PREX1: variants seen among roughly 807,000 people sequenced by gnomAD.
PREX1 encodes phosphatidylinositol 3,4,5-trisphosphate-dependent Rac exchanger 1 protein.
A neutral mutation model predicts 198.3 loss-of-function variants in PREX1; 41 were observed. That is an observed-to-expected ratio of 0.21 (90% CI 0.16 to 0.27). The LOEUF (loss-of-function observed/expected upper bound fraction) is 0.27. Ranked by LOEUF, PREX1 falls within the 10% of genes least tolerant of loss-of-function variation. The pLI is 1.00. For synonymous variants in PREX1, 843 were observed against 887.2 expected, an observed-to-expected ratio of 0.95 and a Z score of 0.89; for missense variants, 1,620 against 2,200.7, an observed-to-expected ratio of 0.74 and a Z score of 5.28.
At chr20:48,750,190 G>A (rs1225848308) in intron 1 of PREX1, among the ~76,000 whole-genome samples, 1 of 151,944 alleles carries the variant, frequency 6.6e-6, no homozygotes, top group Non-Finnish European at 1.5e-5. Flanking sequence ...AGCTTTACCT[G>A]AATACTACAA....
At position 48,823,113 on chromosome 20, in the gene PREX1, C is replaced by G. The variant is rs565563347; in HGVS notation, c.219+4529G>C. ...AGAACCACAGAAAGCATTCTGGGAG[C>G]TTTCTGCCCACAATCCCTGTTCCTC... On this transcript the variant is annotated intron_variant, in intron 1 of 39. Coordinates refer to ENST00000371941, the MANE Select transcript of PREX1 (RefSeq NM_020820.4). Among the ~76,000 whole-genome samples, 6 of 152,328 alleles carry G rather than the reference C, an allele frequency of 3.9e-5. No individual in the cohort carries two copies. In the East Asian group the frequency reaches 1.2e-3, roughly 29 times the overall value.
Position 48,630,807 on chromosome 20 carries a change from G to A in PREX1, c.4527-13C>T. 1.9e-6 allele frequency: 3 copies of A among 1,555,258 alleles called. No individual in the cohort carries two copies. Among genetic ancestry groups the A allele is most frequent in the Non-Finnish European group, 2.7e-6 (3 of 1,126,860 alleles). On this transcript the variant is annotated splice_polypyrimidine_tract_variant and intron_variant, in intron 35 of 39. Coordinates refer to ENST00000371941, the MANE Select transcript of PREX1 (RefSeq NM_020820.4). The stretch of plus-strand genomic sequence containing the variant: ...CAGGTAAAATGCCCTGCGAGAGAAA[G>A]ATGGGAATGAGGCGGGGGCCACCAC...
Position 48,644,330 on chromosome 20 carries a change from T to C in PREX1, c.3601+79A>G. ...CAAAACAATATAATGCAGAGGAAAG[T>C]ATAATAAAATAAACTAAAACTAAAT... is the stretch of plus-strand genomic sequence containing the variant. On this transcript the variant is annotated intron_variant, in intron 27 of 39. Coordinates refer to ENST00000371941, the MANE Select transcript of PREX1 (RefSeq NM_020820.4). 3.3e-6 allele frequency: 4 copies of C among 1,202,802 alleles called. No individual in the cohort carries two copies. The South Asian group carries it at 5.3e-5, about 16-fold the overall frequency. The allele number at this position is 1,202,802 out of a possible 1,614,324, so 74.5% of individuals were successfully genotyped here.
At chr20:48,815,560 A>G (rs1481896285) in intron 1 of PREX1, among the ~76,000 whole-genome samples, 2 of 152,188 alleles carry the variant, frequency 1.3e-5, no homozygotes, top group Non-Finnish European at 2.9e-5. Flanking sequence ...AGCACAGACA[A>G]CATCTGGCGT....
Position 48,660,248 on chromosome 20 carries a change from T to G in PREX1, c.1739-187A>C, listed in dbSNP as rs150688906. 8.1e-4 allele frequency among the ~76,000 whole-genome samples: 124 copies of G among 152,374 alleles called. 1 individual carries two copies. The highest frequency in any genetic ancestry group is 3.0e-3 in the African/African-American group (123 of 41,596). On this transcript the variant is annotated intron_variant, in intron 15 of 39. Transcript: ENST00000371941. ...GGATATTTCACAAAGCGATCTGGCT[T>G]TCTGACTTCTCTTGAAAAGTCTGAA...
At chr20:48,669,423 A>T (rs2089660687) in intron 14 of PREX1, among the ~76,000 whole-genome samples, 1 of 152,182 alleles carries the variant, frequency 6.6e-6, no homozygotes, top group African/African-American at 2.4e-5. Context: ...ACCCATGTAT[A>T]CATTTTGCTT....
chr20:48,716,700 C>T (rs76884896), intron 5 of PREX1, among the ~76,000 whole-genome samples: 2,396 of 151,958 alleles, frequency 0.016, 27 homozygotes, highest in Non-Finnish European at 0.022. Context: ...AAAGCCTGAC[C>T]TTCCATCCTC....
intron 15 of PREX1, among the ~76,000 whole-genome samples, chr20:48,664,622 T>G (rs1339243667): frequency 2.0e-5 from 3 of 152,196 alleles, no homozygotes; most frequent in Non-Finnish European, 4.4e-5. Context: ...ACCTGTCCTG[T>G]TGAAAGGACA....
intron 1 of PREX1, among the ~76,000 whole-genome samples, chr20:48,748,769 TGGG>T (rs1003905958): frequency 6.6e-6 from 1 of 152,188 alleles, no homozygotes; most frequent in African/African-American, 2.4e-5. Context: ...ACCATTCATG[TGGG>T]GTCACGTGGG....
intron 3 of PREX1, among the ~76,000 whole-genome samples, chr20:48,738,593 G>A (rs1372048576): frequency 6.6e-6 from 1 of 152,192 alleles, no homozygotes; most frequent in Non-Finnish European, 1.5e-5. Flanking sequence ...GGCCCGACAT[G>A]GGGCTCTGAT....
intron 15 of PREX1, 40 bp from the exon 16 acceptor site, chr20:48,660,101 A>AT (rs11086257): frequency 0.28 from 444,600 of 1,607,208 alleles, 63,354 homozygotes; most frequent in South Asian, 0.4. Flanking sequence ...TCAGATTCAC[A>AT]GGGAAAGTTT....
chr20:48,837,602 A>G, the PREX1 span, among the ~76,000 whole-genome samples: 1 of 152,198 alleles, frequency 6.6e-6, no homozygotes, highest in East Asian at 1.9e-4. Context: ...TCTCACTTAT[A>G]AGCAGGAGCT....
intron 1 of PREX1, among the ~76,000 whole-genome samples, chr20:48,767,964 C>T (rs2090216956): frequency 6.6e-6 from 1 of 152,154 alleles, no homozygotes; most frequent in African/African-American, 2.4e-5. Context: ...TTGTTCTATG[C>T]ATTTTGCTAA....
the PREX1 span, among the ~76,000 whole-genome samples, chr20:48,833,676 A>T: frequency 6.6e-6 from 1 of 152,112 alleles, no homozygotes; most frequent in Non-Finnish European, 1.5e-5. Context: ...TCCTGATCTC[A>T]GGTGATCCAT....
chr20:48,856,842 C>CT, the PREX1 span, among the ~76,000 whole-genome samples: 9 of 152,122 alleles, frequency 5.9e-5, 1 homozygote, highest in Non-Finnish European at 8.8e-5. Flanking sequence ...CCCTAAATTT[C>CT]TTTTTTTGTT....
intron 1 of PREX1, among the ~76,000 whole-genome samples, chr20:48,775,622 G>T (rs1020627888): frequency 6.6e-6 from 1 of 152,118 alleles, no homozygotes; most frequent in Non-Finnish European, 1.5e-5. Flanking sequence ...ACATGTTATG[G>T]GAGGGATGCA....
chr20:48,800,116 T>C (rs1479151253), intron 1 of PREX1, among the ~76,000 whole-genome samples: 1 of 152,184 alleles, frequency 6.6e-6, no homozygotes, highest in African/African-American at 2.4e-5. Flanking sequence ...TTTACACTCA[T>C]TTAAACTTCA....
chr20:48,722,759 C>T (rs1258234944), intron 5 of PREX1, among the ~76,000 whole-genome samples: 1 of 152,158 alleles, frequency 6.6e-6, no homozygotes, highest in East Asian at 1.9e-4. Context: ...AGGGTATGTC[C>T]CCTGCAGTCA....
At chr20:48,656,686 C>T (rs1253404948) in intron 18 of PREX1, among the ~76,000 whole-genome samples, 2 of 152,264 alleles carry the variant, frequency 1.3e-5, no homozygotes, top group African/African-American at 2.4e-5. Flanking sequence ...GCCCCTTTCC[C>T]GGGTTTATAG....
Sources: allele counts gnomAD v4.1 joint callset (sites outside exome capture counted in the v4.1 genomes callset), GRCh38; gene constraint gnomAD v4.1.1; transcripts MANE v1.5; gene names NCBI Gene and HGNC (gene_info 2026-07-23, HGNC 2026-07-21).